GALNS: variants seen among roughly 807,000 people sequenced by gnomAD.
GALNS encodes the protein N-acetylgalactosamine-6-sulfatase.
In GALNS, 65 loss-of-function variants were observed where a neutral mutation model predicts 65.9. The ratio of observed to expected loss-of-function variants is 0.99; its 90% CI spans 0.81 to 1.21. The LOEUF (loss-of-function observed/expected upper bound fraction) is 1.21, where lower values mean the gene tolerates loss of function less well. Ranked by LOEUF, GALNS falls within the 50% of genes most tolerant of loss-of-function variation. The pLI is 0.00. For synonymous variants in GALNS, 346 were observed against 288.9 expected (o/e 1.20, Z -2.00); for missense variants, 776 against 700.7 (o/e 1.11, Z -1.21).
chr16:88,835,731 C>T lies in GALNS; in HGVS notation c.752G>A (p.Arg251Gln), dbSNP rs1199639828. 5.0e-6 allele frequency: 8 copies of T among 1,613,920 alleles called. No individual in the cohort carries two copies. Among genetic ancestry groups the T allele is most frequent in the Non-Finnish European group, 5.1e-6 (6 of 1,180,040 alleles). Reference protein sequence around the residue: ...ASKPFLGTSQRGRYGDAVREI... With the variant: ...ASKPFLGTSQQGRYGDAVREI... The stretch of plus-strand genomic sequence containing the variant: ...CCATGGAGCCAGGACTCACCGCCCT[C>T]GCTGACTGGTGCCCAAGAAGGGTTT... Residue 251 changes from arginine to glutamine, a missense_variant, in exon 7 of 14, where the codon CGA becomes CAA. Physicochemically the swap from Arg to Gln is conservative, Grantham distance 43. Transcript: ENST00000268695.
intron 1 of GALNS, among the ~76,000 whole-genome samples, chr16:88,854,135 T>C (rs1967643351): frequency 6.6e-6 from 1 of 152,190 alleles, no homozygotes; most frequent in African/African-American, 2.4e-5. Flanking sequence ...CTCCAAAATC[T>C]GAACTTGAGA....
intron 1 of GALNS, chr16:88,843,120 G>C (rs573862979): frequency 6.8e-7 from 1 of 1,461,012 alleles, no homozygotes; most frequent in East Asian, 2.9e-5. Flanking sequence ...TCTTCAGGTG[G>C]GGAATGTGTC....
chr16:88,832,215 C>A, intron 8 of GALNS, 114 bp from the exon 9 acceptor site: 2 of 961,270 alleles, frequency 2.1e-6, no homozygotes, highest in South Asian at 2.8e-5. Flanking sequence ...CCGGCCAAGG[C>A]ACTCTGGCTG....
chr16:88,837,867 A>C (rs964628618), intron 4 of GALNS, 102 bp from the exon 5 acceptor site: 4 of 1,173,718 alleles, frequency 3.4e-6, no homozygotes, highest in Admixed American at 1.8e-5. Flanking sequence ...TGGTAAGACG[A>C]GCACCCTCCA....
At chr16:88,835,907 C>T (rs1214097331) in intron 6 of GALNS, 58 bp from the exon 7 acceptor site, 10 of 1,611,658 alleles carry the variant, frequency 6.2e-6, no homozygotes, top group South Asian at 2.2e-5. Context: ...TCATGCCTCC[C>T]ACGGTCCCCG....
At chr16:88,829,309 G>A (rs1341592579) in intron 9 of GALNS, among the ~76,000 whole-genome samples, 1 of 152,184 alleles carries the variant, frequency 6.6e-6, no homozygotes, top group Non-Finnish European at 1.5e-5. Flanking sequence ...GGGAGTGGAG[G>A]GGGCGGCACA....
intron 12 of GALNS, among the ~76,000 whole-genome samples, chr16:88,819,713 AG>A (rs1910006293): frequency 7.2e-6 from 1 of 139,584 alleles, no homozygotes; most frequent in Non-Finnish European, 1.6e-5. Flanking sequence ...TTATTTTTTG[AG>A]AGAGAGTCTC....
At chr16:88,826,905 C>G in intron 9 of GALNS, 67 bp from the exon 10 acceptor site, 1 of 1,540,024 alleles carries the variant, frequency 6.5e-7, no homozygotes, top group Non-Finnish European at 8.8e-7. Flanking sequence ...GGGGCCAATC[C>G]CTGGGGGGGC....
chr16:88,841,914 T>C lies in GALNS; in HGVS notation c.302A>G (p.Asn101Ser). 1 of 1,613,332 alleles carries C rather than the reference T, an allele frequency of 6.2e-7. No individual in the cohort carries two copies. The highest frequency in any genetic ancestry group is 2.2e-5 in the East Asian group (1 of 44,858). Reference sequence around the variant, plus strand: ...CAGCCTACCGTTTCTGGCATGGGCGTTGGTGGTGTAGAAGCCATTGCGGAT... The same window carrying C: ...CAGCCTACCGTTTCTGGCATGGGCGCTGGTGGTGTAGAAGCCATTGCGGAT... The part of the protein sequence containing the change: ...LPIRNGFYTT[N>S]AHARNAYTPQ... The change falls in exon 3 of 14, where the codon AAC (asparagine) becomes AGC (serine). Residue 101 changes from asparagine to serine, a missense_variant. Coordinates refer to ENST00000268695, the MANE Select transcript of GALNS (RefSeq NM_000512.5).
intron 8 of GALNS, among the ~76,000 whole-genome samples, chr16:88,834,953 C>G (rs982260383): frequency 2.0e-5 from 3 of 152,130 alleles, no homozygotes; most frequent in African/African-American, 7.2e-5. Context: ...CTTCGGGAGG[C>G]GTCAGCCTCT....
chr16:88,818,401 A>G lies in GALNS; in HGVS notation c.1365-277T>C, dbSNP rs3826073. ...GAGAGGCTGTGAGTAGAGCCGTCCC[A>G]TCCTGTCCCTGCCTGTGACCAGGAC... On this transcript the variant is annotated intron_variant, in intron 12 of 13. Transcript: ENST00000268695. Among the ~76,000 whole-genome samples the G allele has an allele frequency of 0.41, 62,655 of 151,632 alleles. 13,277 individuals carry two copies. The highest frequency in any genetic ancestry group is 0.63 in the East Asian group (3,219 of 5,106).
At chr16:88,820,165 G>A (rs1444338845) in intron 12 of GALNS, among the ~76,000 whole-genome samples, 1 of 151,500 alleles carries the variant, frequency 6.6e-6, no homozygotes, top group African/African-American at 2.4e-5. Context: ...GTCTTGCTCT[G>A]TCACCCAGGC....
Position 88,817,541 on chromosome 16 carries a change from C to G in GALNS, c.1482+466G>C, listed in dbSNP as rs962235620. The G allele has an allele frequency of 5.1e-6, 5 of 985,128 alleles. No individual in the cohort carries two copies. In the South Asian group the frequency reaches 2.3e-4, roughly 46 times the overall value. The allele number at this position is 985,128 out of a possible 1,614,324, so 61.0% of individuals were successfully genotyped here. Reference sequence around the variant, plus strand: ...CCACTCAACAGTGCCCACCAGCCCACCCGGGACCCACCGGGCAGTGCCGTT... The same window carrying G: ...CCACTCAACAGTGCCCACCAGCCCAGCCGGGACCCACCGGGCAGTGCCGTT... On this transcript the variant is annotated intron_variant, in intron 13 of 13. Transcript: ENST00000268695.
rs532186434 is a variant in GALNS at position 88,856,337 on chromosome 16, G to A, written c.120+421C>T. The A allele has an allele frequency of 2.3e-5, 16 of 702,594 alleles. No individual in the cohort carries two copies. The African/African-American group carries it at 2.6e-4, about 11-fold the overall frequency. The allele number at this position is 702,594 out of a possible 1,614,324, so 43.5% of individuals were successfully genotyped here. Reference sequence around the variant, plus strand: ...GCAGCTCTCAGGCAGGGCGGCAGGAGCAGCCTCTTCCTCCCTTTGGGGAGG... The same window carrying A: ...GCAGCTCTCAGGCAGGGCGGCAGGAACAGCCTCTTCCTCCCTTTGGGGAGG... On this transcript the variant is annotated intron_variant, in intron 1 of 13. Coordinates refer to ENST00000268695, the MANE Select transcript of GALNS (RefSeq NM_000512.5).
rs1403604200 is a variant in GALNS at position 88,842,408 on chromosome 16, AG to A, written c.244+297del. Reference sequence around the variant, plus strand: ...CTGCTTCCCAGGTACCCTGAGACGGAGCCACACTGCAGCACCTCTCCCCAGG... The same window carrying A: ...CTGCTTCCCAGGTACCCTGAGACGGACCACACTGCAGCACCTCTCCCCAGG... On this transcript the variant is annotated intron_variant, in intron 2 of 13. Transcript: ENST00000268695. The A allele has an allele frequency of 1.7e-5, 9 of 537,152 alleles. No homozygotes were observed. In the African/African-American group the frequency reaches 1.7e-4, roughly 10 times the overall value. 33.3% of individuals were successfully genotyped at this position (537,152 alleles called of 1,614,324 possible). A position where few individuals can be genotyped will look rare whatever the true frequency, so the allele number is the denominator to read the frequency against.
At position 88,814,159 on chromosome 16, in the gene GALNS, G is replaced by A; in HGVS notation, c.*280C>T. 1 of 538,788 alleles carries A rather than the reference G, an allele frequency of 1.9e-6. No homozygotes were observed. Among genetic ancestry groups the A allele is most frequent in the South Asian group, 2.0e-5 (1 of 49,202 alleles). The allele number at this position is 538,788 out of a possible 1,614,324, so 33.4% of individuals were successfully genotyped here. On this transcript the variant is annotated 3_prime_UTR_variant, in exon 14 of 14. Transcript: ENST00000268695. ...AACTGAGACTGGTCTCAGATATTTG[G>A]GGTTCACAAAGGCGTGAGACGGCAG...
At position 88,842,522 on chromosome 16, in the gene GALNS, C is replaced by A; in HGVS notation, c.244+184G>T. ...CCTGAAAACCCAGCAGGTGCCGCAC[C>A]CCACATGGCACGGAGCCGGGCTGGG... is the stretch of plus-strand genomic sequence containing the variant. On this transcript the variant is annotated intron_variant, in intron 2 of 13. Coordinates refer to ENST00000268695, the MANE Select transcript of GALNS (RefSeq NM_000512.5). The A allele has an allele frequency of 1.1e-5, 8 of 714,654 alleles. No homozygotes were observed. In the South Asian group the frequency reaches 1.5e-4, roughly 13 times the overall value. 44.3% of individuals were successfully genotyped at this position (714,654 alleles called of 1,614,324 possible).
At chr16:88,833,419 C>A (rs12929070) in intron 8 of GALNS, among the ~76,000 whole-genome samples, 7 of 135,224 alleles carry the variant, frequency 5.2e-5, no homozygotes, top group Non-Finnish European at 7.9e-5. Flanking sequence ...CTTCTCCTTC[C>A]CTCCCTCCCT....
In GALNS at chr16:88,831,243, AGGAGAGCGGTGAGGCCGAGCACGGGGT is replaced by A. The variant is rs1911476589; in HGVS notation, c.1002+728_1002+754del. Among the ~76,000 whole-genome samples the A allele has an allele frequency of 2.1e-5, 3 of 142,360 alleles. No individual in the cohort carries two copies. The East Asian group carries it at 6.6e-4, about 31-fold the overall frequency. 93.4% of individuals were successfully genotyped at this position (142,360 alleles called of 152,430 possible). ...GAGGCCGAGCACGGGGTGCGTGGGGAGGAGAGCGGTGAGGCCGAGCACGGGGTGCGTGGGGAGGAGAGCGGTGAGGCC... is the reference window on the plus strand; with the variant it reads ...GAGGCCGAGCACGGGGTGCGTGGGGAGCGTGGGGAGGAGAGCGGTGAGGCC... On this transcript the variant is annotated intron_variant, in intron 9 of 13. Transcript: ENST00000268695.
Sources: gnomAD v4.1 joint callset for allele counts (sites outside exome capture counted in the v4.1 genomes callset) on GRCh38, gnomAD v4.1.1 for gene constraint, MANE v1.5 for transcripts, NCBI Gene and HGNC (gene_info 2026-07-23, HGNC 2026-07-21) for gene names.